Variants in FMO1 observed in about 807,000 individuals in gnomAD.
FMO1 encodes the protein flavin-containing monooxygenase 1.
Under a neutral mutation model 45.4 loss-of-function variants are expected in FMO1, and 36 were observed. That is an observed-to-expected ratio of 0.79 (90% CI 0.61 to 1.05). The LOEUF (loss-of-function observed/expected upper bound fraction) is 1.05. Among genes scored for constraint, FMO1 ranks in the 50% least tolerant of loss-of-function variants. FMO1 has a pLI of 0.00. For missense variants in FMO1, 615 were observed against 640.3 expected, an observed-to-expected ratio of 0.96 and a Z score of 0.43; for synonymous variants, 228 against 227.2, an observed-to-expected ratio of 1.00 and a Z score of -0.03.
chr1:171,278,604 C>T (rs1472329889), intron 4 of FMO1, 125 bp from the exon 5 acceptor site: 3 of 645,610 alleles, frequency 4.6e-6, no homozygotes, highest in Admixed American at 5.5e-5. Context: ...TTTTCTCAAA[C>T]TTGAGAATAC....
At chr1:171,275,230 TATTA>T (rs930756696) in intron 3 of FMO1, 112 bp from the exon 4 acceptor site, 8 of 774,682 alleles carry the variant, frequency 1.0e-5, no homozygotes, top group Non-Finnish European at 1.4e-5. Context: ...GGGTTATACT[TATTA>T]ATTATGTTTA....
chr1:171,254,279 C>G (rs1256897571), intron 1 of FMO1, among the ~76,000 whole-genome samples: 3 of 152,066 alleles, frequency 2.0e-5, no homozygotes. Flanking sequence ...TTGGTAGAGA[C>G]AGGGTTTCAC....
chr1:171,281,589 A>G (rs532104304), intron 6 of FMO1, among the ~76,000 whole-genome samples: 1 of 152,274 alleles, frequency 6.6e-6, no homozygotes, highest in South Asian at 2.1e-4. Context: ...TTTCCCTTAT[A>G]AAACTTTTTC....
At chr1:171,271,833 G>C (rs944840159) in intron 3 of FMO1, among the ~76,000 whole-genome samples, 3 of 152,178 alleles carry the variant, frequency 2.0e-5, no homozygotes, top group African/African-American at 7.2e-5. Context: ...TTTTAAAAGG[G>C]AATCAGCATA....
chr1:171,276,295 G>A (rs760074444), intron 4 of FMO1, among the ~76,000 whole-genome samples: 1 of 152,174 alleles, frequency 6.6e-6, no homozygotes, highest in Non-Finnish European at 1.5e-5. Context: ...ACTCAGATCA[G>A]GTTAGATTAG....
chr1:171,282,268 A>G lies in FMO1; in HGVS notation c.1118A>G (p.Lys373Arg), dbSNP rs28360421. ...ACCCTGGCCATTATTGGCCTCATCA[A>G]ACCCTTGGGCTCCATGATACCTACA... ...KPTLAIIGLI[K>R]PLGSMIPTGE... is the part of the protein sequence containing the mutation. Residue 373 changes from lysine (K) to arginine (R), a missense_variant, in exon 7 of 9, where the codon AAA (lysine) becomes AGA (arginine). Transcript: ENST00000617670. 2.6e-3 allele frequency: 4,166 copies of G among 1,613,910 alleles called. 82 individuals are homozygous for G. In the African/African-American group the frequency reaches 0.046, roughly 18 times the overall value.
chr1:171,266,396 A>G (rs555834928), intron 2 of FMO1, among the ~76,000 whole-genome samples: 50 of 152,232 alleles, frequency 3.3e-4, no homozygotes, highest in Non-Finnish European at 6.6e-4. Flanking sequence ...ATAACACTGC[A>G]TTAGATATTC....
rs568825054 is a variant in FMO1, at chr1:171,263,792, C to T, written c.133-3751C>T. Among the ~76,000 whole-genome samples, 370 of 152,216 alleles carry T rather than the reference C, an allele frequency of 2.4e-3. 2 individuals are homozygous for T. Among genetic ancestry groups the T allele is most frequent in the African/African-American group, 8.0e-3 (331 of 41,546 alleles). On this transcript the variant is annotated intron_variant, in intron 2 of 8. Coordinates refer to ENST00000617670, the MANE Select transcript of FMO1 (RefSeq NM_001282693.2). ...TACAATTCCCAGAGTGTCTGCAGCA[C>T]GGGTGGGAGGGTGCAGTGTGGGTAT...
intron 1 of FMO1, among the ~76,000 whole-genome samples, chr1:171,256,322 T>C (rs1660155016): frequency 6.8e-6 from 1 of 146,700 alleles, no homozygotes; most frequent in South Asian, 2.2e-4. Context: ...ATCTTGCGAG[T>C]GAGTAAACTG....
At chr1:171,252,449 C>G (rs1659935359) in intron 1 of FMO1, among the ~76,000 whole-genome samples, 2 of 152,188 alleles carry the variant, frequency 1.3e-5, no homozygotes, top group African/African-American at 4.8e-5. Context: ...CAAAACTGGA[C>G]CAACTGCCCT....
At chr1:171,261,016 C>A (rs1428183037) in intron 2 of FMO1, among the ~76,000 whole-genome samples, 2 of 151,584 alleles carry the variant, frequency 1.3e-5, no homozygotes, top group South Asian at 2.1e-4. Flanking sequence ...AAATGGCACC[C>A]AATTTACAAG....
At chr1:171,271,329 C>G in intron 3 of FMO1, 1 of 1,342,640 alleles carries the variant, frequency 7.4e-7, no homozygotes, top group Non-Finnish European at 1.0e-6. Flanking sequence ...CCTTGAACTT[C>G]TTTTTTGTCT....
At chr1:171,249,644 C>A (rs1205752929) in intron 1 of FMO1, among the ~76,000 whole-genome samples, 1 of 151,982 alleles carries the variant, frequency 6.6e-6, no homozygotes, top group Non-Finnish European at 1.5e-5. Flanking sequence ...GCAGTCTGTG[C>A]CAACCAGTAT....
intron 4 of FMO1, among the ~76,000 whole-genome samples, chr1:171,276,927 A>C (rs1661136827): frequency 6.6e-6 from 1 of 152,180 alleles, no homozygotes; most frequent in Non-Finnish European, 1.5e-5. Flanking sequence ...CCTAGCTGAT[A>C]GTCTTGAGTC....
intron 3 of FMO1, among the ~76,000 whole-genome samples, chr1:171,273,661 A>G (rs1558013370): frequency 6.6e-6 from 1 of 152,076 alleles, no homozygotes; most frequent in Non-Finnish European, 1.5e-5. Context: ...CTATAGGCAC[A>G]TACTACCATG....
intron 1 of FMO1, chr1:171,257,760 T>C: frequency 8.4e-6 from 3 of 358,374 alleles, no homozygotes; most frequent in South Asian, 6.9e-5. Flanking sequence ...GAATGGAGAC[T>C]AGAGGCAGCA....
intron 3 of FMO1, among the ~76,000 whole-genome samples, chr1:171,269,454 A>T (rs750266371): frequency 6.6e-6 from 1 of 151,932 alleles, no homozygotes; most frequent in East Asian, 1.9e-4. Context: ...TTTTTGTTTT[A>T]AAAAAAACCT....
At chr1:171,254,971 T>C (rs940821143) in intron 1 of FMO1, among the ~76,000 whole-genome samples, 1 of 152,254 alleles carries the variant, frequency 6.6e-6, no homozygotes, top group Non-Finnish European at 1.5e-5. Context: ...GACTGATTGC[T>C]GCTCTAGAGA....
intron 1 of FMO1, among the ~76,000 whole-genome samples, chr1:171,253,744 A>G (rs1038036458): frequency 6.6e-6 from 1 of 152,074 alleles, no homozygotes; most frequent in South Asian, 2.1e-4. Flanking sequence ...CTGGGCAACA[A>G]CAGTGAAACT....
Sources: allele counts gnomAD v4.1 joint callset (sites outside exome capture counted in the v4.1 genomes callset), GRCh38; gene constraint gnomAD v4.1.1; transcripts MANE v1.5; gene names NCBI Gene and HGNC (gene_info 2026-07-23, HGNC 2026-07-21).